MUSK: variants seen among roughly 807,000 people sequenced by gnomAD.
The protein encoded by MUSK is muscle associated receptor tyrosine kinase, also known as muscle, skeletal receptor tyrosine-protein kinase.
In MUSK, 55 loss-of-function variants were observed where a neutral mutation model predicts 88.7. That is an observed-to-expected ratio of 0.62 (90% confidence interval 0.50 to 0.78). The LOEUF (loss-of-function observed/expected upper bound fraction) is 0.78, where lower values mean the gene tolerates loss of function less well. Among genes scored for constraint, MUSK ranks in the 30% least tolerant of loss-of-function variants. The pLI is 0.00. For missense variants in MUSK, 1,015 were observed against 1,074.3 expected (o/e 0.94, Z 0.77); for synonymous variants, 387 against 391.9 (o/e 0.99, Z 0.15).
intron 3 of MUSK, among the ~76,000 whole-genome samples, chr9:110,688,427 G>A (rs2131673547): frequency 6.6e-6 from 1 of 151,946 alleles, no homozygotes; most frequent in African/African-American, 2.4e-5. Flanking sequence ...AGGTAAGTCT[G>A]CCACTGTGAG....
At chr9:110,755,750 G>T (rs962928409) in intron 7 of MUSK, among the ~76,000 whole-genome samples, 1 of 151,496 alleles carries the variant, frequency 6.6e-6, no homozygotes, top group Non-Finnish European at 1.5e-5. Context: ...CTTTCCTCCT[G>T]TTCCTCTTCA....
chr9:110,693,457 G>A (rs1369439521), intron 3 of MUSK, among the ~76,000 whole-genome samples: 1 of 151,892 alleles, frequency 6.6e-6, no homozygotes, highest in Non-Finnish European at 1.5e-5. Flanking sequence ...TCCCCCAAGA[G>A]CTCCCTCCCC....
chr9:110,790,837 G>A (rs1404185024), intron 14 of MUSK, among the ~76,000 whole-genome samples: 1 of 152,214 alleles, frequency 6.6e-6, no homozygotes, highest in Non-Finnish European at 1.5e-5. Flanking sequence ...CATTTAACAT[G>A]AGACTGGTCA....
chr9:110,803,046 C>T lies in MUSK; in HGVS notation c.*2058C>T, dbSNP rs917169283. On this transcript the variant is annotated 3_prime_UTR_variant, in exon 15 of 15. Coordinates refer to ENST00000374448, the MANE Select transcript of MUSK (RefSeq NM_005592.4). ...AGAACTTGAGCATAGATATCCATGG[C>T]TTATTTTAGATGGTTCATGTATGCT... 1.1e-4 allele frequency among the ~76,000 whole-genome samples: 17 copies of T among 152,314 alleles called. No homozygotes were observed. Among genetic ancestry groups the T allele is most frequent in the Middle Eastern group, 3.4e-3 (1 of 294 alleles).
chr9:110,707,292 TTGTTA>T (rs2131756836), intron 5 of MUSK, among the ~76,000 whole-genome samples: 1 of 152,322 alleles, frequency 6.6e-6, no homozygotes, highest in East Asian at 1.9e-4. Flanking sequence ...GGGGGTGTCT[TTGTTA>T]TAAGATTTTT....
In MUSK at chr9:110,787,888, T is replaced by C. The variant is rs2766999; in HGVS notation, c.1927+50T>C. ...GTATTTCATCAGAAAACAGAGGCTT[T>C]CCAAGTTTTTCTCCCCTTGTTCGTG... On this transcript the variant is annotated intron_variant, in intron 14 of 14. Transcript: ENST00000374448. 0.46 allele frequency: 723,660 copies of C among 1,563,634 alleles called. 172,184 individuals are homozygous for C. The highest frequency in any genetic ancestry group is 0.55 in the Middle Eastern group (3,283 of 5,996).
chr9:110,723,815 G>T (rs1587956678), intron 5 of MUSK, among the ~76,000 whole-genome samples: 1 of 151,830 alleles, frequency 6.6e-6, no homozygotes, highest in South Asian at 2.1e-4. Context: ...ACTGATCTGG[G>T]GTTTCATGTA....
At chr9:110,743,429 A>C (rs576467781) in intron 6 of MUSK, among the ~76,000 whole-genome samples, 1 of 152,350 alleles carries the variant, frequency 6.6e-6, no homozygotes, top group African/African-American at 2.4e-5. Context: ...CTTACTTTTT[A>C]AAAAGAAAAT....
intron 5 of MUSK, among the ~76,000 whole-genome samples, chr9:110,715,574 A>G (rs560666656): frequency 6.7e-6 from 1 of 149,136 alleles, no homozygotes; most frequent in South Asian, 2.1e-4. Flanking sequence ...TTTTCTCAAG[A>G]TATTGACTAT....
At chr9:110,771,526 T>A (rs1371130605) in intron 9 of MUSK, among the ~76,000 whole-genome samples, 2 of 152,188 alleles carry the variant, frequency 1.3e-5, no homozygotes, top group African/African-American at 4.8e-5. Context: ...TGTGTCTGAC[T>A]TCTTTTGTTC....
chr9:110,673,387 A>C (rs912378648), intron 1 of MUSK, among the ~76,000 whole-genome samples: 6 of 152,188 alleles, frequency 3.9e-5, no homozygotes, highest in Admixed American at 6.5e-5. Context: ...CTGCAAGTGG[A>C]AATATTAATA....
rs2077002821 is a variant in MUSK at position 110,734,395 on chromosome 9, G to A, written c.753+20G>A. 6 of 1,612,700 alleles carry A rather than the reference G, an allele frequency of 3.7e-6. No individual in the cohort carries two copies. Among genetic ancestry groups the A allele is most frequent in the South Asian group, 2.2e-5 (2 of 91,036 alleles). On this transcript the variant is annotated intron_variant, in intron 6 of 14. Transcript: ENST00000374448. ...AATGCTGTGAGTGTCATGTGTGTGG[G>A]GACTTGTCTGGGGAAGACCCATTGG...
At chr9:110,761,995 A>G (rs1441410917) in intron 7 of MUSK, 4 of 918,350 alleles carry the variant, frequency 4.4e-6, no homozygotes, top group Non-Finnish European at 5.2e-6. Context: ...CTGCTTCCTA[A>G]AGATACTCAA....
intron 5 of MUSK, among the ~76,000 whole-genome samples, chr9:110,712,351 G>A (rs1194093175): frequency 6.6e-6 from 1 of 151,924 alleles, no homozygotes; most frequent in African/African-American, 2.4e-5. Flanking sequence ...ACCATCCAGA[G>A]GTTTTCTCCC....
At chr9:110,797,164 A>AAC in intron 14 of MUSK, among the ~76,000 whole-genome samples, 1 of 56,842 alleles carries the variant, frequency 1.8e-5, no homozygotes, top group Non-Finnish European at 3.1e-5. Flanking sequence ...TGAATACCCA[A>AAC]AAAAAAAAAA....
At chr9:110,697,494 T>C (rs769683158) in intron 5 of MUSK, 28 bp downstream of exon 5, 7 of 1,598,942 alleles carry the variant, frequency 4.4e-6, no homozygotes, top group Non-Finnish European at 6.0e-6. Flanking sequence ...TTCCCCTGAC[T>C]GTGTGACCAG....
At chr9:110,743,254 A>T (rs1047646651) in intron 6 of MUSK, among the ~76,000 whole-genome samples, 2 of 152,186 alleles carry the variant, frequency 1.3e-5, no homozygotes, top group African/African-American at 2.4e-5. Context: ...GAGAAAGTCC[A>T]GCAACGTGTC....
intron 5 of MUSK, among the ~76,000 whole-genome samples, chr9:110,711,261 A>T (rs186284729): frequency 0.028 from 4,248 of 152,174 alleles, 205 homozygotes; most frequent in African/African-American, 0.098. Context: ...ATAATAATAA[A>T]AAAAATTTAG....
chr9:110,705,306 A>T (rs2076583977), intron 5 of MUSK, among the ~76,000 whole-genome samples: 1 of 152,220 alleles, frequency 6.6e-6, no homozygotes, highest in South Asian at 2.1e-4. Flanking sequence ...CAACTCTTGG[A>T]TATTGGCTGA....
Sources: allele counts gnomAD v4.1 joint callset (sites outside exome capture counted in the v4.1 genomes callset), GRCh38; gene constraint gnomAD v4.1.1; transcripts MANE v1.5; gene names NCBI Gene and HGNC (gene_info 2026-07-23, HGNC 2026-07-21).